The following ENTREP2 variants were observed in gnomAD, a reference collection of about 807,000 sequenced individuals.
ENTREP2 encodes endosomal transmembrane epsin interactor 2, also known as protein ENTREP2.
At chr15:29,225,221 C>T in the ENTREP2 span, among the ~76,000 whole-genome samples, 1 of 152,266 alleles carries the variant, frequency 6.6e-6, no homozygotes, top group Admixed American at 6.5e-5. Flanking sequence ...CTGAAGGGCT[C>T]CTCAAGCACA....
chr15:29,367,742 T>C, the ENTREP2 span, among the ~76,000 whole-genome samples: 1 of 152,168 alleles, frequency 6.6e-6, no homozygotes, highest in Non-Finnish European at 1.5e-5. Flanking sequence ...GGAGATGTAC[T>C]GGCTCCAGGC....
chr15:29,502,170 A>G, the ENTREP2 span, among the ~76,000 whole-genome samples: 21 of 152,046 alleles, frequency 1.4e-4, no homozygotes, highest in African/African-American at 4.1e-4. Context: ...AAGTCAAAAC[A>G]ATCTTGAAAA....
the ENTREP2 span, among the ~76,000 whole-genome samples, chr15:29,432,831 T>G: frequency 6.6e-6 from 1 of 151,990 alleles, no homozygotes; most frequent in Non-Finnish European, 1.5e-5. Context: ...CAGCTCTCCC[T>G]GCAGGCCTGG....
chr15:29,381,178 C>T, the ENTREP2 span, among the ~76,000 whole-genome samples: 7 of 145,680 alleles, frequency 4.8e-5, no homozygotes, highest in African/African-American at 1.5e-4. Flanking sequence ...CCTTGTTGGC[C>T]AGGCGCAGTG....
chr15:29,474,007 G>A, the ENTREP2 span, among the ~76,000 whole-genome samples: 1 of 152,206 alleles, frequency 6.6e-6, no homozygotes, highest in African/African-American at 2.4e-5. Flanking sequence ...GGATTCTGCA[G>A]ACAACCTTCA....
chr15:29,289,961 G>A, the ENTREP2 span, among the ~76,000 whole-genome samples: 1 of 152,152 alleles, frequency 6.6e-6, no homozygotes, highest in Non-Finnish European at 1.5e-5. Context: ...ATAAAATGCA[G>A]GATGTATACG....
chr15:29,402,318 GTATA>G, the ENTREP2 span, among the ~76,000 whole-genome samples: 2 of 118,746 alleles, frequency 1.7e-5, no homozygotes, highest in Admixed American at 8.3e-5. Flanking sequence ...GTGTGTGTGT[GTATA>G]TATGTATATT....
chr15:29,617,558 T>C, the ENTREP2 span, among the ~76,000 whole-genome samples: 2 of 152,246 alleles, frequency 1.3e-5, no homozygotes, highest in Admixed American at 1.3e-4. Context: ...CATTATTTCA[T>C]GTCTTCAGCT....
At chr15:29,602,384 A>T in the ENTREP2 span, among the ~76,000 whole-genome samples, 1 of 152,290 alleles carries the variant, frequency 6.6e-6, no homozygotes, top group East Asian at 1.9e-4. Flanking sequence ...GAACTAATTG[A>T]GTATGATTTT....
At chr15:29,565,032 T>C in the ENTREP2 span, among the ~76,000 whole-genome samples, 1 of 152,166 alleles carries the variant, frequency 6.6e-6, no homozygotes, top group Admixed American at 6.5e-5. Context: ...AATTGGAAGA[T>C]TTAATATGAT....
At chr15:29,592,447 ATG>A in the ENTREP2 span, among the ~76,000 whole-genome samples, 1 of 152,188 alleles carries the variant, frequency 6.6e-6, no homozygotes, top group East Asian at 1.9e-4. Context: ...CCTTCTTACC[ATG>A]TCATCCTATG....
chr15:29,633,885 G>A, the ENTREP2 span, among the ~76,000 whole-genome samples: 2 of 152,162 alleles, frequency 1.3e-5, no homozygotes, highest in African/African-American at 2.4e-5. Context: ...CTTGAACCCG[G>A]GAGGCGAAGG....
chr15:29,609,845 C>T, the ENTREP2 span: 1 of 150,382 alleles, frequency 6.6e-6, no homozygotes, highest in Non-Finnish European at 1.5e-5. Flanking sequence ...ACAGTAGGTG[C>T]TCAAAAATAT....
chr15:29,184,772 C>A, the ENTREP2 span, among the ~76,000 whole-genome samples: 1 of 152,182 alleles, frequency 6.6e-6, no homozygotes, highest in African/African-American at 2.4e-5. Context: ...GCTCCTTTGT[C>A]CAGTGCCCTG....
At chr15:29,404,650 C>G in the ENTREP2 span, among the ~76,000 whole-genome samples, 1 of 151,916 alleles carries the variant, frequency 6.6e-6, no homozygotes, top group African/African-American at 2.4e-5. Flanking sequence ...CTCGCAGTAT[C>G]TATCCTGGGA....
the ENTREP2 span, among the ~76,000 whole-genome samples, chr15:29,417,576 T>C: frequency 3.3e-5 from 5 of 151,998 alleles, no homozygotes; most frequent in Non-Finnish European, 7.4e-5. Flanking sequence ...CACACCAACA[T>C]GGCACATGTA....
At chr15:29,306,445 A>C in the ENTREP2 span, among the ~76,000 whole-genome samples, 9 of 152,118 alleles carry the variant, frequency 5.9e-5, no homozygotes, top group Admixed American at 5.2e-4. Context: ...CAGAGAAGAA[A>C]AAGGTTTGCT....
the ENTREP2 span, among the ~76,000 whole-genome samples, chr15:29,238,589 C>T: frequency 7.7e-4 from 117 of 152,042 alleles, no homozygotes; most frequent in Non-Finnish European, 1.3e-3. Context: ...GAGCCAAGAT[C>T]ATGCCACTGC....
chr15:29,475,583 G>A, the ENTREP2 span, among the ~76,000 whole-genome samples: 4 of 152,134 alleles, frequency 2.6e-5, no homozygotes, highest in South Asian at 2.1e-4. Context: ...AGTAGGGGGC[G>A]AGGGGGCAGT....
Sources: gnomAD v4.1 joint callset for allele counts (sites outside exome capture counted in the v4.1 genomes callset) on GRCh38, gnomAD v4.1.1 for gene constraint, MANE v1.5 for transcripts, NCBI Gene and HGNC (gene_info 2026-07-23, HGNC 2026-07-21) for gene names.